Variants in KCNIP4 observed in about 807,000 individuals in gnomAD.
The protein encoded by KCNIP4 is Kv channel-interacting protein 4.
Under a neutral mutation model 34.0 loss-of-function variants are expected in KCNIP4, and 12 were observed. The observed-to-expected ratio is 0.35, with a 90% CI of 0.23 to 0.57. The LOEUF (loss-of-function observed/expected upper bound fraction) is 0.57, where lower values mean the gene tolerates loss of function less well. Ranked by LOEUF, KCNIP4 falls within the 20% of genes least tolerant of loss-of-function variation. KCNIP4 has a pLI of 0.83. For synonymous variants in KCNIP4, 124 were observed against 102.2 expected, an observed-to-expected ratio of 1.21 and a Z score of -1.29; for missense variants, 238 against 311.7, an observed-to-expected ratio of 0.76 and a Z score of 1.78.
At chr4:20,843,906 G>A (rs577899123) in intron 3 of KCNIP4, among the ~76,000 whole-genome samples, 2 of 152,188 alleles carry the variant, frequency 1.3e-5, no homozygotes, top group East Asian at 1.9e-4. Context: ...ATAAACTAAT[G>A]CTTAACATAT....
chr4:21,740,243 T>C (rs1716303647), intron 1 of KCNIP4, among the ~76,000 whole-genome samples: 1 of 152,086 alleles, frequency 6.6e-6, no homozygotes, highest in Non-Finnish European at 1.5e-5. Context: ...TACTTAAATA[T>C]TTATATATGC....
At chr4:20,838,762 C>T (rs944324553) in intron 3 of KCNIP4, among the ~76,000 whole-genome samples, 2 of 152,172 alleles carry the variant, frequency 1.3e-5, no homozygotes, top group African/African-American at 2.4e-5. Context: ...GCTGCCACAT[C>T]AGCCTGGACC....
At chr4:20,775,319 A>G (rs1756280862) in intron 3 of KCNIP4, among the ~76,000 whole-genome samples, 1 of 152,196 alleles carries the variant, frequency 6.6e-6, no homozygotes, top group Admixed American at 6.5e-5. Context: ...TCACATTGCC[A>G]TGGATTGCAA....
chr4:21,572,625 T>G lies in KCNIP4; in HGVS notation c.61+375946A>C, dbSNP rs927054073. Among the ~76,000 whole-genome samples, 5 of 151,224 alleles carry G rather than the reference T, an allele frequency of 3.3e-5. No homozygotes were observed. In the East Asian group the frequency reaches 9.8e-4, roughly 30 times the overall value. On this transcript the variant is annotated intron_variant, in intron 1 of 8. Transcript: ENST00000382152. ...AAAAAAATGCATGGATCCACAAAGA[T>G]CTCTCATCTTTTTTTTTTTTTTTTG...
chr4:20,741,663 G>A (rs1435454076), intron 5 of KCNIP4, among the ~76,000 whole-genome samples: 1 of 152,150 alleles, frequency 6.6e-6, no homozygotes, highest in East Asian at 1.9e-4. Flanking sequence ...AAAAGAAGTA[G>A]AGAAGCAAGA....
chr4:20,991,643 C>T (rs1451527211), intron 1 of KCNIP4, among the ~76,000 whole-genome samples: 1 of 152,184 alleles, frequency 6.6e-6, no homozygotes, highest in Non-Finnish European at 1.5e-5. Context: ...TTAATCCTAC[C>T]TCCGTGGTCC....
In KCNIP4 at chr4:21,143,620, G is replaced by A. The variant is rs146946650; in HGVS notation, c.62-260911C>T. On this transcript the variant is annotated intron_variant, in intron 1 of 8. Coordinates refer to ENST00000382152, the MANE Select transcript of KCNIP4 (RefSeq NM_025221.6). ...TATTGTTTTAAGCCACTAACTTTAT[G>A]GTTATTTGTTACACTGTAATAGAAA... 2.0e-5 allele frequency among the ~76,000 whole-genome samples: 3 copies of A among 152,226 alleles called. No homozygotes were observed. In the East Asian group the frequency reaches 5.8e-4, roughly 29 times the overall value.
At chr4:21,267,673 C>A (rs543167655) in intron 1 of KCNIP4, among the ~76,000 whole-genome samples, 60 of 142,968 alleles carry the variant, frequency 4.2e-4, no homozygotes, top group African/African-American at 1.4e-3. Flanking sequence ...GTATATTGAA[C>A]CAGCCTTGCA....
At chr4:20,774,056 T>C (rs1478216366) in intron 3 of KCNIP4, among the ~76,000 whole-genome samples, 2 of 152,166 alleles carry the variant, frequency 1.3e-5, no homozygotes, top group African/African-American at 4.8e-5. Context: ...ACCTTTAAGA[T>C]GAAAATAATG....
chr4:21,358,068 G>T (rs527932574), intron 1 of KCNIP4, among the ~76,000 whole-genome samples: 1 of 152,180 alleles, frequency 6.6e-6, no homozygotes, highest in East Asian at 1.9e-4. Flanking sequence ...TTATCACAAG[G>T]ACAGAAAATC....
intron 1 of KCNIP4, chr4:21,729,706 C>T (rs1463782861): frequency 1.4e-5 from 2 of 146,032 alleles, no homozygotes; most frequent in African/African-American, 2.6e-5. Flanking sequence ...CAGAACTCTG[C>T]AAATTTTAAT....
intron 1 of KCNIP4, among the ~76,000 whole-genome samples, chr4:21,458,464 G>A (rs1729157148): frequency 6.6e-6 from 1 of 151,908 alleles, no homozygotes; most frequent in Non-Finnish European, 1.5e-5. Flanking sequence ...ACGTGTGCAT[G>A]TGTCTTTTAT....
chr4:21,173,563 A>G (rs1042109643), intron 1 of KCNIP4, among the ~76,000 whole-genome samples: 6 of 152,176 alleles, frequency 3.9e-5, no homozygotes, highest in Non-Finnish European at 5.9e-5. Flanking sequence ...TCAAGGCTGT[A>G]AGAAAAATCT....
At chr4:21,615,463 G>A (rs919106059) in intron 1 of KCNIP4, among the ~76,000 whole-genome samples, 5 of 151,704 alleles carry the variant, frequency 3.3e-5, no homozygotes, top group African/African-American at 7.3e-5. Flanking sequence ...GGAGAATGGC[G>A]TTTACCTGGG....
chr4:21,604,045 T>C (rs1482834606), intron 1 of KCNIP4, among the ~76,000 whole-genome samples: 7 of 152,162 alleles, frequency 4.6e-5, no homozygotes, highest in African/African-American at 9.6e-5. Context: ...TCGTCGATTA[T>C]AAATTTTAGG....
intron 1 of KCNIP4, among the ~76,000 whole-genome samples, chr4:21,265,345 G>A (rs1560231622): frequency 6.6e-6 from 1 of 152,180 alleles, no homozygotes; most frequent in East Asian, 1.9e-4. Context: ...GACATTAAGG[G>A]CCTTGGGAAG....
At chr4:20,897,514 C>T (rs1232474169) in intron 1 of KCNIP4, among the ~76,000 whole-genome samples, 1 of 152,036 alleles carries the variant, frequency 6.6e-6, no homozygotes, top group African/African-American at 2.4e-5. Context: ...CCCCTCCCTC[C>T]CCCCGCCACC....
At chr4:21,338,567 A>T (rs1297713031) in intron 1 of KCNIP4, among the ~76,000 whole-genome samples, 2 of 151,566 alleles carry the variant, frequency 1.3e-5, no homozygotes, top group Non-Finnish European at 2.9e-5. Context: ...GGATTGCGCC[A>T]TTGCACTCCA....
chr4:21,349,642 C>T lies in KCNIP4; in HGVS notation c.62-466933G>A, dbSNP rs181728338. ...GGATTCCCACCAGTGACTAGTTATA[C>T]CCCAAGGAACATACAGACTGCTAAC... On this transcript the variant is annotated intron_variant, in intron 1 of 8. Coordinates refer to ENST00000382152, the MANE Select transcript of KCNIP4 (RefSeq NM_025221.6). Among the ~76,000 whole-genome samples, 6 of 152,202 alleles carry T rather than the reference C, an allele frequency of 3.9e-5. No homozygotes were observed. In the East Asian group the frequency reaches 1.2e-3, roughly 29 times the overall value.
Sources: gnomAD v4.1 joint callset for allele counts (sites outside exome capture counted in the v4.1 genomes callset) on GRCh38, gnomAD v4.1.1 for gene constraint, MANE v1.5 for transcripts, NCBI Gene and HGNC (gene_info 2026-07-23, HGNC 2026-07-21) for gene names.